Variants in TBC1D5 observed in about 807,000 individuals in gnomAD.
The protein encoded by TBC1D5 is TBC1 domain family, member 5.
A neutral mutation model predicts 100.3 loss-of-function variants in TBC1D5; 75 were observed. The ratio of observed to expected loss-of-function variants is 0.75; its 90% CI spans 0.62 to 0.91. The LOEUF (loss-of-function observed/expected upper bound fraction) is 0.91, where lower values mean the gene tolerates loss of function less well. TBC1D5 is among the 40% of genes least tolerant of loss of function. The pLI is 0.00. For missense variants in TBC1D5, 910 were observed against 942.4 expected, an observed-to-expected ratio of 0.97 and a Z score of 0.45; for synonymous variants, 323 against 325.6, an observed-to-expected ratio of 0.99 and a Z score of 0.09.
At chr3:17,490,405 T>C (rs566251360) in intron 3 of TBC1D5, among the ~76,000 whole-genome samples, 1 of 152,320 alleles carries the variant, frequency 6.6e-6, no homozygotes, top group East Asian at 1.9e-4. Context: ...CATAAAATCT[T>C]TGCCCATGCC....
At chr3:17,238,120 C>T (rs771115660) in intron 17 of TBC1D5, 43 bp downstream of exon 17, 1 of 1,581,888 alleles carries the variant, frequency 6.3e-7, no homozygotes, top group Non-Finnish European at 8.6e-7. Context: ...TCCCAGGCTA[C>T]ACCATGAATG....
At chr3:17,329,505 A>C (rs56660137) in intron 13 of TBC1D5, among the ~76,000 whole-genome samples, 9,252 of 150,654 alleles carry the variant, frequency 0.061, 550 homozygotes, top group African/African-American at 0.16. Flanking sequence ...ACAAAAAAAT[A>C]AAATAATACC....
In TBC1D5 at chr3:17,383,907, C is replaced by G; in HGVS notation, c.612+6G>C. On this transcript the variant is annotated splice_donor_region_variant and intron_variant, in intron 9 of 21. Coordinates refer to ENST00000253692, the Ensembl canonical transcript of TBC1D5. Reference sequence around the variant, plus strand: ...ATGGATGCCACCTGTAAGATATTTTCATTACCTGTTTATAAAGCAACTGCT... The same window carrying G: ...ATGGATGCCACCTGTAAGATATTTTGATTACCTGTTTATAAAGCAACTGCT... 2 of 1,586,276 alleles carry G rather than the reference C, an allele frequency of 1.3e-6. No individual in the cohort carries two copies. Among genetic ancestry groups the G allele is most frequent in the Non-Finnish European group, 1.7e-6 (2 of 1,160,936 alleles).
At chr3:17,241,169 T>C (rs1189398879) in intron 16 of TBC1D5, among the ~76,000 whole-genome samples, 1 of 152,136 alleles carries the variant, frequency 6.6e-6, no homozygotes, top group Non-Finnish European at 1.5e-5. Flanking sequence ...AGCTTGTCTG[T>C]TTTTCTAGGC....
intron 3 of TBC1D5, among the ~76,000 whole-genome samples, chr3:17,480,890 T>C (rs1198450319): frequency 6.6e-6 from 1 of 152,214 alleles, no homozygotes; most frequent in Admixed American, 6.5e-5. Flanking sequence ...TCTTCCTGGA[T>C]GCAGGACAAG....
intron 1 of TBC1D5, among the ~76,000 whole-genome samples, chr3:17,658,472 T>C (rs564357122): frequency 2.6e-5 from 4 of 152,122 alleles, no homozygotes; most frequent in South Asian, 2.1e-4. Flanking sequence ...TCAGGATTAA[T>C]AGGGGAAGGG....
intron 1 of TBC1D5, among the ~76,000 whole-genome samples, chr3:17,634,915 A>C (rs1370886167): frequency 6.6e-6 from 1 of 152,234 alleles, no homozygotes; most frequent in Non-Finnish European, 1.5e-5. Context: ...AATACAATTA[A>C]ACACAAAAAT....
chr3:17,377,375 T>C (rs1216287440), intron 9 of TBC1D5, among the ~76,000 whole-genome samples: 2 of 152,080 alleles, frequency 1.3e-5, no homozygotes, highest in Non-Finnish European at 2.9e-5. Flanking sequence ...ACTGATCCAT[T>C]ATTGTGGTGA....
chr3:17,254,125 T>C (rs1206918972), intron 16 of TBC1D5, among the ~76,000 whole-genome samples: 2 of 152,244 alleles, frequency 1.3e-5, no homozygotes, highest in African/African-American at 4.8e-5. Context: ...GAGATTGGGT[T>C]ATTTCCAGAT....
rs540920051 is a variant in TBC1D5 at position 17,476,207 on chromosome 3, T to A, written c.97+32267A>T. Among the ~76,000 whole-genome samples, 3 of 151,976 alleles carry A rather than the reference T, an allele frequency of 2.0e-5. 1 individual carries two copies. In the South Asian group the frequency reaches 6.2e-4, roughly 31 times the overall value. On this transcript the variant is annotated intron_variant, in intron 3 of 21. Coordinates refer to ENST00000253692, the Ensembl canonical transcript of TBC1D5. The stretch of plus-strand genomic sequence containing the variant: ...TTGATTTTGCAATAATTTAATTCTA[T>A]ATATATATTTTTTCCTTTTTGATAT...
At chr3:17,452,938 A>T (rs901013469) in intron 3 of TBC1D5, among the ~76,000 whole-genome samples, 2 of 133,612 alleles carry the variant, frequency 1.5e-5, no homozygotes, top group Non-Finnish European at 3.1e-5. Context: ...TTAAAACATT[A>T]AAAAAAAATA....
chr3:17,693,169 G>A (rs1011579382), intron 1 of TBC1D5, among the ~76,000 whole-genome samples: 13 of 152,162 alleles, frequency 8.5e-5, no homozygotes, highest in South Asian at 2.1e-4. Flanking sequence ...AGTGACGGAC[G>A]CAGAAGACGG....
intron 1 of TBC1D5, among the ~76,000 whole-genome samples, chr3:17,683,192 T>C (rs771064501): frequency 2.0e-4 from 30 of 151,580 alleles, no homozygotes; most frequent in Non-Finnish European, 2.8e-4. Context: ...TTGGGATTAA[T>C]AGTGTTTGTG....
At chr3:17,495,647 C>T (rs2095697773) in intron 3 of TBC1D5, among the ~76,000 whole-genome samples, 1 of 152,188 alleles carries the variant, frequency 6.6e-6, no homozygotes. Flanking sequence ...GAAGAAGTAA[C>T]CACAGGAGTG....
intron 2 of TBC1D5, among the ~76,000 whole-genome samples, chr3:17,617,538 A>C (rs2062276756): frequency 6.6e-6 from 1 of 152,140 alleles, no homozygotes; most frequent in South Asian, 2.1e-4. Context: ...ACACCAATCA[A>C]ACGTAGATTT....
chr3:17,363,002 G>C (rs2091849054), intron 13 of TBC1D5, among the ~76,000 whole-genome samples: 1 of 151,794 alleles, frequency 6.6e-6, no homozygotes, highest in Non-Finnish European at 1.5e-5. Context: ...TGTTAGTCTT[G>C]CTAGTGTCTG....
chr3:17,622,101 G>C (rs1231231917), intron 2 of TBC1D5, among the ~76,000 whole-genome samples: 1 of 152,176 alleles, frequency 6.6e-6, no homozygotes, highest in East Asian at 1.9e-4. Context: ...AATGGGAAGG[G>C]AGCTGGGGAG....
chr3:17,722,053 A>G (rs2075753937), intron 1 of TBC1D5, among the ~76,000 whole-genome samples: 1 of 152,238 alleles, frequency 6.6e-6, no homozygotes, highest in Non-Finnish European at 1.5e-5. Flanking sequence ...AGCAACATAC[A>G]CAACCAACGT....
exon 5 of TBC1D5, chr3:17,406,425 C>A: frequency 6.2e-7 from 1 of 1,605,954 alleles, no homozygotes; most frequent in Non-Finnish European, 8.5e-7. Flanking sequence ...TACCTTCCAG[C>A]AAATGCTGCG....
Sources: allele counts gnomAD v4.1 joint callset (sites outside exome capture counted in the v4.1 genomes callset), GRCh38; gene constraint gnomAD v4.1.1; transcripts MANE v1.5; gene names NCBI Gene and HGNC (gene_info 2026-07-23, HGNC 2026-07-21).